Variants in NOTCH4 observed in about 807,000 individuals in gnomAD.
The protein encoded by NOTCH4 is neurogenic locus notch homolog protein 4.
A neutral mutation model predicts 189.0 loss-of-function variants in NOTCH4; 138 were observed. The ratio of observed to expected loss-of-function variants is 0.73; its 90% CI spans 0.64 to 0.84. The LOEUF (loss-of-function observed/expected upper bound fraction) is 0.84, where lower values mean the gene tolerates loss of function less well. Ranked by LOEUF, NOTCH4 falls within the 40% of genes least tolerant of loss-of-function variation. The pLI is 0.00. For missense variants in NOTCH4, 2,286 were observed against 2,605.4 expected (o/e 0.88, Z 2.67); for synonymous variants, 942 against 1,032.8 (o/e 0.91, Z 1.69).
intron 1 of NOTCH4, 132 bp downstream of exon 1, chr6:32,223,724 C>G (rs1239291361): frequency 1.2e-5 from 11 of 945,950 alleles, no homozygotes; most frequent in Admixed American, 4.5e-5. Context: ...GAGGCCGTCT[C>G]TATTTGGGCA....
chr6:32,220,488 C>T lies in NOTCH4; in HGVS notation c.1076G>A (p.Cys359Tyr), dbSNP rs760254309. 2.0e-5 allele frequency: 32 copies of T among 1,613,566 alleles called. No individual in the cohort carries two copies. Among genetic ancestry groups the T allele is most frequent in the Non-Finnish European group, 2.5e-5 (30 of 1,180,040 alleles). ...GTSCEENLDD[C>Y]IAATCAPGST... The stretch of plus-strand genomic sequence containing the variant: ...TCCCGGGGCACAGGTGGCAGCAATA[C>T]AGTCATCCAGGTTCTCCTCACAGCT... Residue 359 changes from cysteine to tyrosine, a missense_variant, in exon 6 of 30, where the codon TGT (cysteine) becomes TAT (tyrosine). Around this residue, in one of 2 missense-constraint regions of NOTCH4, gnomAD observed 1,903 missense variants for 2,261.9 expected, o/e 0.84. Coordinates refer to ENST00000375023, the MANE Select transcript of NOTCH4 (RefSeq NM_004557.4).
intron 14 of NOTCH4, 24 bp downstream of exon 14, chr6:32,213,663 GC>G: frequency 1.9e-6 from 3 of 1,610,154 alleles, no homozygotes; most frequent in Non-Finnish European, 2.5e-6. Flanking sequence ...GTGGACCCCA[GC>G]CCCATGACAC....
Position 32,219,607 on chromosome 6 carries a change from A to C in NOTCH4, c.1495T>G (p.Cys499Gly), listed in dbSNP as rs1789621146. 1.2e-6 allele frequency: 2 copies of C among 1,612,816 alleles called. No homozygotes were observed. The highest frequency in any genetic ancestry group is 3.3e-5 in the Admixed American group (2 of 59,980). Residue 499 changes from cysteine to glycine, a missense_variant, in exon 8 of 30, where the codon TGC becomes GGC. Physicochemically the swap from Cys to Gly is radical, Grantham distance 159 (BLOSUM62 -3). This residue lies in a region of NOTCH4 where 1,903 missense variants were observed against 2,261.9 expected (regional missense o/e 0.84). Coordinates refer to ENST00000375023, the MANE Select transcript of NOTCH4 (RefSeq NM_004557.4). ...CAGCTGATACCTGGCGGGCAGAGGC[A>C]GTGGAAGGTGGCAAGTAGGTCCAGA... The part of the protein sequence containing the change: ...TCLDLLATFH[C>G]LCPPGLEGQL...
chr6:32,219,127 A>AT (rs1241672676), intron 8 of NOTCH4, among the ~76,000 whole-genome samples: 2 of 151,866 alleles, frequency 1.3e-5, no homozygotes, highest in Non-Finnish European at 2.9e-5. Context: ...TCTTGCAGCA[A>AT]TTTTTTTCTT....
At position 32,197,048 on chromosome 6, in the gene NOTCH4, C is replaced by T; in HGVS notation, c.5077G>A (p.Ala1693Thr). ...CCGTCCTCTGTGCGAGCGTCCACTG[C>T]AGTTTGTCTGCTACGGAGCAGAAGC... ...CQLLLRSRQTAVDARTEDGTT... is the reference protein window; with the variant it reads ...CQLLLRSRQTTVDARTEDGTT... Residue 1693 changes from alanine to threonine, a missense_variant, in exon 28 of 30, where the codon GCA becomes ACA. This residue lies in a region of NOTCH4 where 1,903 missense variants were observed against 2,261.9 expected (regional missense o/e 0.84). Coordinates refer to ENST00000375023, the MANE Select transcript of NOTCH4 (RefSeq NM_004557.4). 6.2e-7 allele frequency: 1 copy of T among 1,612,806 alleles called. No individual in the cohort carries two copies. Among genetic ancestry groups the T allele is most frequent in the Admixed American group, 1.7e-5 (1 of 60,026 alleles).
rs768238891 is a variant in NOTCH4 at position 32,220,854 on chromosome 6, A to G, written c.824T>C (p.Val275Ala). The G allele has an allele frequency of 2.5e-6, 4 of 1,613,846 alleles. No homozygotes were observed. ...PPGFIGPDCE[V>A]NPDNCVSHQC... is the part of the protein sequence containing the mutation. ...GTGGCTGACACAGTTGTCTGGATTC[A>G]CCTCACAGTCTGGGCCTATGAAACC... The change falls in exon 5 of 30, where the codon GTG becomes GCG. Residue 275 changes from valine to alanine, a missense_variant. Physicochemically the swap from Val to Ala is moderately conservative, Grantham distance 64. This residue lies in a region of NOTCH4 where 1,903 missense variants were observed against 2,261.9 expected (regional missense o/e 0.84). Transcript: ENST00000375023.
intron 14 of NOTCH4, 98 bp downstream of exon 14, chr6:32,213,590 C>A (rs1789169123): frequency 3.6e-6 from 5 of 1,388,734 alleles, no homozygotes; most frequent in Non-Finnish European, 4.9e-6. Context: ...CCAGGCTGGT[C>A]TGTTCAATTA....
In NOTCH4 at chr6:32,213,160, T is replaced by A; in HGVS notation, c.2413A>T (p.Lys805Ter). The A allele has an allele frequency of 6.2e-7, 1 of 1,613,870 alleles. No homozygotes were observed. The highest frequency in any genetic ancestry group is 8.5e-7 in the Non-Finnish European group (1 of 1,179,848). The change falls in exon 15 of 30, where the codon AAG becomes TAG. Residue 805 changes from lysine (K) to a stop codon, truncating the protein, a stop_gained. Coordinates refer to ENST00000375023, the MANE Select transcript of NOTCH4 (RefSeq NM_004557.4). LOFTEE classifies it high-confidence loss of function. ...MGFQGPRCEG[K>*]LRPSCADSPC... ...CTGTCTGCACAGCTGGGGCGGAGCTTTCCCTCACAGCGCGGGCCCTGGAAG... is the reference window on the plus strand; with the variant it reads ...CTGTCTGCACAGCTGGGGCGGAGCTATCCCTCACAGCGCGGGCCCTGGAAG...
At chr6:32,220,927 C>A in intron 4 of NOTCH4, 49 bp from the exon 5 acceptor site, 1 of 1,598,622 alleles carries the variant, frequency 6.3e-7, no homozygotes, top group Non-Finnish European at 8.5e-7. Context: ...ACGGAGACAT[C>A]CTGCCCTGCC....
At chr6:32,204,437 C>T (rs1304037139) in intron 18 of NOTCH4, 48 bp from the exon 19 acceptor site, 19 of 1,593,366 alleles carry the variant, frequency 1.2e-5, no homozygotes, top group Non-Finnish European at 1.4e-5. Flanking sequence ...GAGCCCAACC[C>T]AGCACTACAA....
rs1788083258 is a variant in NOTCH4, at chr6:32,198,244, C to G, written c.4756+177G>C. 6.6e-6 allele frequency among the ~76,000 whole-genome samples: 1 copy of G among 152,204 alleles called. No homozygotes were observed. The highest frequency in any genetic ancestry group is 1.5e-5 in the Non-Finnish European group (1 of 68,034). ...TAGTGGAGCCCAATAATTTGCATTT[C>G]TGACAAATTCCCAGGTGATGCTGAT... On this transcript the variant is annotated intron_variant, in intron 26 of 29. Coordinates refer to ENST00000375023, the MANE Select transcript of NOTCH4 (RefSeq NM_004557.4). This position sits in a 1 kb window ranked among gnomAD's most constrained non-coding sequence, Gnocchi z 5.5.
intron 18 of NOTCH4, among the ~76,000 whole-genome samples, chr6:32,206,218 A>G (rs1397163345): frequency 7.9e-5 from 12 of 152,150 alleles, no homozygotes; most frequent in Admixed American, 7.9e-4. Flanking sequence ...TGGCCAGAGC[A>G]ATTAGGCAGG....
At chr6:32,207,860 G>T (rs1293455399) in intron 18 of NOTCH4, among the ~76,000 whole-genome samples, 1 of 151,530 alleles carries the variant, frequency 6.6e-6, no homozygotes, top group Non-Finnish European at 1.5e-5. Context: ...AAAAATAGCT[G>T]GGCGTGGTGG....
intron 7 of NOTCH4, 102 bp from the exon 8 acceptor site, chr6:32,219,888 G>T: frequency 9.9e-7 from 1 of 1,005,194 alleles, no homozygotes; most frequent in Non-Finnish European, 1.5e-6. Context: ...TGGCAGACGA[G>T]ACCAAATTGG....
Position 32,212,791 on chromosome 6 carries a change from C to T in NOTCH4, c.2526+33G>A. ...CCTGGTTTCCCTCCCAGCCACTTCC[C>T]TCCTCAGCACGCCTGACTTCAATGG... On this transcript the variant is annotated intron_variant, in intron 16 of 29. Transcript: ENST00000375023. This position sits in a 1 kb window ranked among gnomAD's most constrained non-coding sequence, Gnocchi z 4.4. 1 of 1,489,130 alleles carries T rather than the reference C, an allele frequency of 6.7e-7. No individual in the cohort carries two copies. Among genetic ancestry groups the T allele is most frequent in the Non-Finnish European group, 9.0e-7 (1 of 1,113,756 alleles). 92.2% of individuals were successfully genotyped at this position (1,489,130 alleles called of 1,614,324 possible).
Position 32,212,291 on chromosome 6 carries a change from G to C in NOTCH4, c.2680+183C>G, listed in dbSNP as rs530530257. ...TGCGTTAAATGAGGTAACAGGAATT[G>C]TGTTAGGCTTCTCTGATTGCACAAT... On this transcript the variant is annotated intron_variant, in intron 17 of 29. Transcript: ENST00000375023. The surrounding 1 kb of genome is among the most constrained non-coding windows in gnomAD (Gnocchi z 4.4). Among the ~76,000 whole-genome samples, 5 of 152,286 alleles carry C rather than the reference G, an allele frequency of 3.3e-5. No homozygotes were observed. The highest frequency in any genetic ancestry group is 1.2e-4 in the African/African-American group (5 of 41,544).
At chr6:32,214,017 G>A in intron 13 of NOTCH4, 93 bp downstream of exon 13, 2 of 1,480,760 alleles carry the variant, frequency 1.4e-6, no homozygotes, top group Non-Finnish European at 1.8e-6. Flanking sequence ...TCTCCTTAGT[G>A]GTGACTGAGA....
rs533074518 is a variant in NOTCH4, at chr6:32,220,552, T to C, written c.1012A>G (p.Ser338Gly). The C allele has an allele frequency of 6.2e-7, 1 of 1,613,826 alleles. No individual in the cohort carries two copies. The highest frequency in any genetic ancestry group is 2.2e-5 in the East Asian group (1 of 44,864). The part of the protein sequence containing the change: ...NGGTCQNSAG[S>G]FHCVCVSGWG... ...CCACTCACACACACGCAGTGAAAGC[T>C]ACCAGCAGAGTTCTGGCAGGTGCCC... Residue 338 changes from serine to glycine, a missense_variant, in exon 6 of 30, where the codon AGC becomes GGC. By Grantham distance (56) the Ser-to-Gly change is moderately conservative (BLOSUM62 0). Transcript: ENST00000375023.
rs748008498 is a variant in NOTCH4, at chr6:32,195,787, C to G, written c.5662G>C (p.Ala1888Pro). The change falls in exon 30 of 30, where the codon GCG becomes CCG. Residue 1888 changes from alanine to proline, a missense_variant. Ala to Pro is a conservative substitution (Grantham distance 27, BLOSUM62 -1). Transcript: ENST00000375023. The surrounding 1 kb of genome is among the most constrained non-coding windows in gnomAD (Gnocchi z 5.4). ...QARTWSVDLA[A>P]RGGGAYSHCR... is the part of the protein sequence containing the mutation. The stretch of plus-strand genomic sequence containing the variant: ...TGAGAATAGGCCCCGCCCCCCCGCG[C>G]AGCCAAGTCTACGGACCAAGTCCGA... 6.2e-7 allele frequency: 1 copy of G among 1,606,316 alleles called. No homozygotes were observed. The highest frequency in any genetic ancestry group is 8.5e-7 in the Non-Finnish European group (1 of 1,179,402).
Sources: allele counts gnomAD v4.1 joint callset (sites outside exome capture counted in the v4.1 genomes callset), GRCh38; gene constraint gnomAD v4.1.1; regional missense constraint gnomAD v4.1.1; non-coding constraint Gnocchi (gnomAD v3.1); transcripts MANE v1.5; gene names NCBI Gene and HGNC (gene_info 2026-07-23, HGNC 2026-07-21).